The following VILL variants were observed in gnomAD, a reference collection of about 807,000 sequenced individuals.
VILL encodes villin like, also known as villin-like protein.
Under a neutral mutation model 106.3 loss-of-function variants are expected in VILL, and 102 were observed. That is an observed-to-expected ratio of 0.96 (90% CI 0.82 to 1.13). The LOEUF (loss-of-function observed/expected upper bound fraction) is 1.13, where lower values mean the gene tolerates loss of function less well. Ranked by LOEUF, VILL falls within the 50% of genes most tolerant of loss-of-function variation. The pLI is 0.00. For synonymous variants in VILL, 431 were observed against 440.3 expected, an observed-to-expected ratio of 0.98 and a Z score of 0.27; for missense variants, 1,076 against 1,116.6, an observed-to-expected ratio of 0.96 and a Z score of 0.52.
rs113195640 is a variant in VILL at position 38,006,667 on chromosome 3, C to A, written c.2424C>A (p.Asp808Glu). The change falls in exon 19 of 20, where the codon GAC (aspartate) becomes GAA (glutamate). Residue 808 changes from aspartate to glutamate, a missense_variant. Physicochemically the swap from Asp to Glu is conservative, Grantham distance 45. Transcript: ENST00000383759. ...AACTGATGCACCAGGCTGTTGAGGA[C>A]CTGCCAGAGGGCGTGGACCCTGCCC... Reference protein sequence around the residue: ...REQLMHQAVEDLPEGVDPARR... With the variant: ...REQLMHQAVEELPEGVDPARR... 4.8e-4 allele frequency: 770 copies of A among 1,612,644 alleles called. 3 individuals are homozygous for A. In the African/African-American group the frequency reaches 8.7e-3, roughly 18 times the overall value.
At position 37,999,335 on chromosome 3, in the gene VILL, T is replaced by G; in HGVS notation, c.1082-4T>G. 2.0e-6 allele frequency: 3 copies of G among 1,511,136 alleles called. No individual in the cohort carries two copies. Among genetic ancestry groups the G allele is most frequent in the Non-Finnish European group, 2.7e-6 (3 of 1,131,946 alleles). 93.6% of individuals were successfully genotyped at this position (1,511,136 alleles called of 1,614,324 possible). On this transcript the variant is annotated splice_region_variant and splice_polypyrimidine_tract_variant and intron_variant, in intron 10 of 19. Transcript: ENST00000383759. ...GCCACTGACGCCTACTGTCCCCCCT[T>G]CAGATAAATCGATTCATGTAAAGCT...
upstream of VILL, among the ~76,000 whole-genome samples, chr3:37,989,326 A>G (rs1699583657): frequency 6.6e-6 from 1 of 152,176 alleles, no homozygotes; most frequent in South Asian, 2.1e-4. Context: ...AGGCCGGGGC[A>G]AGGTTCGGGG....
At chr3:38,006,746 G>A (rs1699936897) in intron 19 of VILL, 46 bp downstream of exon 19, 2 of 1,563,596 alleles carry the variant, frequency 1.3e-6, no homozygotes, top group African/African-American at 1.4e-5. Flanking sequence ...CTGACACTGA[G>A]CTGGAGGAGC....
chr3:37,999,244 T>C lies in VILL; in HGVS notation c.1082-95T>C. ...GGGCTGCGGAGGACGCGGCGGGACC[T>C]GGAATCTTGGAGGGATGGTTGAGGA... On this transcript the variant is annotated intron_variant, in intron 10 of 19. Transcript: ENST00000383759. 4 of 1,079,358 alleles carry C rather than the reference T, an allele frequency of 3.7e-6. No homozygotes were observed. In the South Asian group the frequency reaches 6.0e-5, roughly 16 times the overall value. The allele number at this position is 1,079,358 out of a possible 1,614,324, so 66.9% of individuals were successfully genotyped here.
At position 38,002,508 on chromosome 3, in the gene VILL, C is replaced by G. The variant is rs1467392315; in HGVS notation, c.1592C>G (p.Ser531Ter). ...ACCATGGAGGTGCCAGCCCGTGCCTCATCCCTCAACTCCAGTGACATCTTC... is the reference window on the plus strand; with the variant it reads ...ACCATGGAGGTGCCAGCCCGTGCCTGATCCCTCAACTCCAGTGACATCTTC... The part of the protein sequence containing the change: ...TRTMEVPARA[S>*]SLNSSDIFLL... The change falls in exon 14 of 20, where the codon TCA becomes TGA. Residue 531 changes from serine to a stop codon, truncating the protein, a stop_gained. Coordinates refer to ENST00000383759, the MANE Select transcript of VILL (RefSeq NM_015873.4). LOFTEE classifies it high-confidence loss of function. The G allele has an allele frequency of 6.2e-7, 1 of 1,614,238 alleles. No individual in the cohort carries two copies. Among genetic ancestry groups the G allele is most frequent in the African/African-American group, 1.3e-5 (1 of 75,068 alleles).
Position 38,006,924 on chromosome 3 carries a change from C to G in VILL, c.2458-18C>G, listed in dbSNP as rs1042426482. 6 of 1,605,516 alleles carry G rather than the reference C, an allele frequency of 3.7e-6. No homozygotes were observed. Among genetic ancestry groups the G allele is most frequent in the East Asian group, 4.5e-5 (2 of 44,838 alleles). On this transcript the variant is annotated intron_variant, in intron 19 of 19. Transcript: ENST00000383759. ...GATGACACCCTACCCTGTACCTCCC[C>G]CTCTCTCCCCTGCCCAGTTCTATCT...
chr3:38,005,897 A>G lies in VILL; in HGVS notation c.2056A>G (p.Ile686Val). ...HPAGRSPATP[I>V]VLVKQGHEPP... ...AGCAGGGAGGAGCCCGGCCACACCC[A>G]TCGTGCTGGTCAAGCAGGGCCATGA... is the stretch of plus-strand genomic sequence containing the variant. The change falls in exon 17 of 20, where the codon ATC (isoleucine) becomes GTC (valine). Residue 686 changes from isoleucine to valine, a missense_variant. Coordinates refer to ENST00000383759, the MANE Select transcript of VILL (RefSeq NM_015873.4). 6.2e-7 allele frequency: 1 copy of G among 1,614,114 alleles called. No homozygotes were observed. Among genetic ancestry groups the G allele is most frequent in the Non-Finnish European group, 8.5e-7 (1 of 1,180,000 alleles).
upstream of VILL, among the ~76,000 whole-genome samples, chr3:37,990,486 G>A (rs1169818135): frequency 2.0e-5 from 3 of 152,186 alleles, no homozygotes; most frequent in African/African-American, 4.8e-5. The surrounding 1 kb of genome is among the most constrained non-coding windows in gnomAD (Gnocchi z 5.1). Context: ...TAGTACTCCA[G>A]AGAAGGAAAT....
At chr3:37,999,309 C>A in intron 10 of VILL, 30 bp from the exon 11 acceptor site, 1 of 1,471,144 alleles carries the variant, frequency 6.8e-7, no homozygotes, top group Non-Finnish European at 9.1e-7. Context: ...GGGCAGAGGG[C>A]GCCACTGACG....
In VILL at chr3:37,998,789, G is replaced by T. The variant is rs1246444623; in HGVS notation, c.943-123G>T. The T allele has an allele frequency of 5.6e-6, 8 of 1,435,314 alleles. No individual in the cohort carries two copies. Among genetic ancestry groups the T allele is most frequent in the Non-Finnish European group, 6.4e-6 (7 of 1,090,734 alleles). The allele number at this position is 1,435,314 out of a possible 1,614,324, so 88.9% of individuals were successfully genotyped here. On this transcript the variant is annotated intron_variant, in intron 9 of 19. Transcript: ENST00000383759. This position sits in a 1 kb window ranked among gnomAD's most constrained non-coding sequence, Gnocchi z 4.1. Reference sequence around the variant, plus strand: ...GTGACAGAGTCAATTCGCTAAGTGGGTCATGAGCTCGGTTAATTAACGCTT... The same window carrying T: ...GTGACAGAGTCAATTCGCTAAGTGGTTCATGAGCTCGGTTAATTAACGCTT...
chr3:37,990,147 TGA>T (rs543500878), upstream of VILL, among the ~76,000 whole-genome samples: 19 of 151,716 alleles, frequency 1.3e-4, no homozygotes, highest in Admixed American at 4.6e-4. The surrounding 1 kb of genome is among the most constrained non-coding windows in gnomAD (Gnocchi z 5.1). Flanking sequence ...CACCCCACAG[TGA>T]GAGAGAGAGA....
intron 19 of VILL, 47 bp from the exon 20 acceptor site, chr3:38,006,895 C>G (rs1290861766): frequency 1.9e-6 from 3 of 1,564,516 alleles, no homozygotes; most frequent in South Asian, 1.1e-5. Flanking sequence ...GGATTCTGGG[C>G]TCAGATGACA....
chr3:37,996,181 C>A (rs1268666087), intron 5 of VILL, among the ~76,000 whole-genome samples: 2 of 152,102 alleles, frequency 1.3e-5, no homozygotes, highest in East Asian at 1.9e-4. Context: ...CAGAGAAAGA[C>A]CCTGTCTCTG....
chr3:37,998,239 A>G lies in VILL; in HGVS notation c.844-27A>G. ...AACCCCAGCCCAGTCTGGACCACCT[A>G]CTGACCAGCCCCACCCTTGCTCCCA... On this transcript the variant is annotated intron_variant, in intron 8 of 19. Transcript: ENST00000383759. This position sits in a 1 kb window ranked among gnomAD's most constrained non-coding sequence, Gnocchi z 4.1. 2 of 1,613,886 alleles carry G rather than the reference A, an allele frequency of 1.2e-6. No homozygotes were observed. The highest frequency in any genetic ancestry group is 2.7e-5 in the African/African-American group (2 of 75,026).
intron 1 of VILL, among the ~76,000 whole-genome samples, chr3:37,992,567 AC>A (rs771140647): frequency 1.4e-4 from 21 of 152,146 alleles, no homozygotes; most frequent in Admixed American, 3.3e-4. Context: ...ACAGTAAACA[AC>A]AAGACAAACC....
rs376764381 is a variant in VILL, at chr3:38,006,702, T to C, written c.2457+2T>C. ...GGCGTGGACCCTGCCCGCAGGGAGGTGGGCACCCCCTCACTGCCCCAGCAC... is the reference window on the plus strand; with the variant it reads ...GGCGTGGACCCTGCCCGCAGGGAGGCGGGCACCCCCTCACTGCCCCAGCAC... On this transcript the variant is annotated splice_donor_variant, in intron 19 of 19. Coordinates refer to ENST00000383759, the MANE Select transcript of VILL (RefSeq NM_015873.4). LOFTEE classifies it high-confidence loss of function. The C allele has an allele frequency of 5.0e-6, 8 of 1,598,264 alleles. No homozygotes were observed. The highest frequency in any genetic ancestry group is 1.3e-5 in the African/African-American group (1 of 74,514).
rs1559657006 is a variant in VILL, at chr3:37,998,937, C to G, written c.968C>G (p.Pro323Arg). The G allele has an allele frequency of 6.2e-7, 1 of 1,602,332 alleles. No individual in the cohort carries two copies. The highest frequency in any genetic ancestry group is 2.3e-5 in the East Asian group (1 of 44,148). Residue 323 changes from proline to arginine, a missense_variant, in exon 10 of 20, where the codon CCG becomes CGG. Coordinates refer to ENST00000383759, the MANE Select transcript of VILL (RefSeq NM_015873.4). This position sits in a 1 kb window ranked among gnomAD's most constrained non-coding sequence, Gnocchi z 4.1. ...AVGFIQAKGY[P>R]TYTNVEVVND... ...GGCTTCATCCAGGCCAAGGGCTACC[C>G]GACCTACACCAACGTGGAGGTGGTG...
Position 38,002,409 on chromosome 3 carries a change from A to G in VILL, c.1493A>G (p.His498Arg). The G allele has an allele frequency of 6.2e-7, 1 of 1,612,570 alleles. No individual in the cohort carries two copies. The highest frequency in any genetic ancestry group is 8.5e-7 in the Non-Finnish European group (1 of 1,179,042). The change falls in exon 14 of 20, where the codon CAC becomes CGC. Residue 498 changes from histidine to arginine, a missense_variant. Physicochemically the swap from His to Arg is conservative, Grantham distance 29. Transcript: ENST00000383759. ...QLVIFQERAGHHGKGQSASTT... is the reference protein window; with the variant it reads ...QLVIFQERAGRHGKGQSASTT... The stretch of plus-strand genomic sequence containing the variant: ...GCTCTCCTATAGGAGAGAGCTGGGC[A>G]CCATGGAAAGGGGCAGTCAGCATCC...
At chr3:37,988,642 C>A (rs928166302), upstream of VILL, among the ~76,000 whole-genome samples, 7 of 152,144 alleles carry the variant, frequency 4.6e-5, no homozygotes, top group Non-Finnish European at 1.0e-4. Context: ...GCCGGTGGAT[C>A]GCTGGAGGTC....
Sources: gnomAD v4.1 joint callset for allele counts (sites outside exome capture counted in the v4.1 genomes callset) on GRCh38, gnomAD v4.1.1 for gene constraint, Gnocchi (gnomAD v3.1) non-coding constraint, MANE v1.5 for transcripts, NCBI Gene and HGNC (gene_info 2026-07-23, HGNC 2026-07-21) for gene names.